JMY: variants seen among roughly 807,000 people sequenced by gnomAD.
JMY encodes junction-mediating and -regulatory protein.
In JMY, 46 loss-of-function variants were observed where a neutral mutation model predicts 103.3. That is an observed-to-expected ratio of 0.45 (90% CI 0.35 to 0.57). JMY has a LOEUF of 0.57. JMY is among the 20% of genes least tolerant of loss of function. The probability of loss-of-function intolerance (pLI) is 0.00; values close to 1 mark genes in which losing one functional copy is unlikely to be tolerated. For missense variants in JMY, 1,238 were observed against 1,255.2 expected (o/e 0.99, Z 0.21); for synonymous variants, 526 against 489.3 (o/e 1.07, Z -0.99).
Position 79,236,873 on chromosome 5 carries a change from T to C in JMY, c.223T>C (p.Ser75Pro). 7.1e-7 allele frequency: 1 copy of C among 1,413,970 alleles called. No homozygotes were observed. The highest frequency in any genetic ancestry group is 9.2e-7 in the Non-Finnish European group (1 of 1,082,914). 87.6% of individuals were successfully genotyped at this position (1,413,970 alleles called of 1,614,324 possible). A position where few individuals can be genotyped will look rare whatever the true frequency, so the allele number is the denominator to read the frequency against. Residue 75 changes from serine to proline, a missense_variant, in exon 1 of 11, where the codon TCC becomes CCC. Ser to Pro is a moderately conservative substitution (Grantham distance 74, BLOSUM62 -1). Coordinates refer to ENST00000396137, the MANE Select transcript of JMY (RefSeq NM_152405.5). Reference sequence around the variant, plus strand: ...GGGCGCCGAGGCCGGCGGAGCTGCGTCCGACGGGAGCCGCGGGCCCGGCAG... The same window carrying C: ...GGGCGCCGAGGCCGGCGGAGCTGCGCCCGACGGGAGCCGCGGGCCCGGCAG... ...RGGAEAGGAA[S>P]DGSRGPGSPA...
At chr5:79,284,785 C>T (rs1746220645) in intron 2 of JMY, 1 of 1,574,984 alleles carries the variant, frequency 6.3e-7, no homozygotes, top group East Asian at 2.2e-5. Flanking sequence ...GAGCATCTTT[C>T]CAATATTTCT....
intron 2 of JMY, among the ~76,000 whole-genome samples, chr5:79,289,897 A>G (rs2112097461): frequency 6.6e-6 from 1 of 152,300 alleles, no homozygotes; most frequent in East Asian, 1.9e-4. Context: ...TTCTTTGCCT[A>G]CGTATGGAGT....
intron 7 of JMY, among the ~76,000 whole-genome samples, chr5:79,308,777 C>A (rs1314294315): frequency 6.6e-6 from 1 of 152,084 alleles, no homozygotes; most frequent in Admixed American, 6.6e-5. Context: ...CCTTCTCCTA[C>A]ACCTAACATC....
At chr5:79,250,051 A>G (rs1438490976) in intron 1 of JMY, among the ~76,000 whole-genome samples, 3 of 152,212 alleles carry the variant, frequency 2.0e-5, no homozygotes, top group Non-Finnish European at 4.4e-5. Context: ...CTAATATAGA[A>G]ACCGTCATAA....
rs751122838 is a variant in JMY, at chr5:79,291,139, A to T, written c.1367A>T (p.Asp456Val). ...AAAAAATTATTAATAGCTGTGTATGATCGAATGCGAGCTGATCAGAAGAAA... is the reference window on the plus strand; with the variant it reads ...AAAAAATTATTAATAGCTGTGTATGTTCGAATGCGAGCTGATCAGAAGAAA... ...ITAKAQKAVY[D>V]RMRADQKKFG... Residue 456 changes from aspartate to valine, a missense_variant, in exon 4 of 11, where the codon GAT becomes GTT. Coordinates refer to ENST00000396137, the MANE Select transcript of JMY (RefSeq NM_152405.5). 1 of 1,596,112 alleles carries T rather than the reference A, an allele frequency of 6.3e-7. No homozygotes were observed. Among genetic ancestry groups the T allele is most frequent in the South Asian group, 1.2e-5 (1 of 86,784 alleles).
At position 79,237,234 on chromosome 5, in the gene JMY, T is replaced by A; in HGVS notation, c.584T>A (p.Val195Glu). The A allele has an allele frequency of 6.5e-7, 1 of 1,549,908 alleles. No homozygotes were observed. Among genetic ancestry groups the A allele is most frequent in the Middle Eastern group, 1.7e-4 (1 of 5,992 alleles). ...GGGACGGTCTCCGAGGAGATAGAGG[T>A]GCTGGAAATGGTGAAGGAGGACGAG... is the stretch of plus-strand genomic sequence containing the variant. Reference protein sequence around the residue: ...ASGTVSEEIEVLEMVKEDEAP... With the variant: ...ASGTVSEEIEELEMVKEDEAP... The change falls in exon 1 of 11, where the codon GTG becomes GAG. Residue 195 changes from valine (V) to glutamate (E), a missense_variant. Coordinates refer to ENST00000396137, the MANE Select transcript of JMY (RefSeq NM_152405.5).
Position 79,306,374 on chromosome 5 carries a change from G to A in JMY, c.1882-1G>A. ...TTAAAACACATTTTATGTATTTACA[G>A]GAAATATGTATTGCAAAACACAATG... On this transcript the variant is annotated splice_acceptor_variant, in intron 6 of 10. Coordinates refer to ENST00000396137, the MANE Select transcript of JMY (RefSeq NM_152405.5). LOFTEE classifies it high-confidence loss of function. The A allele has an allele frequency of 6.2e-7, 1 of 1,604,234 alleles. No individual in the cohort carries two copies. The highest frequency in any genetic ancestry group is 8.5e-7 in the Non-Finnish European group (1 of 1,171,436).
chr5:79,320,358 G>C (rs747571896), intron 10 of JMY, among the ~76,000 whole-genome samples: 2 of 136,692 alleles, frequency 1.5e-5, no homozygotes, highest in Non-Finnish European at 3.2e-5. Flanking sequence ...TTTTTTTTTT[G>C]AGATGGAGTC....
At chr5:79,250,314 C>T (rs1360247618) in intron 1 of JMY, among the ~76,000 whole-genome samples, 2 of 152,216 alleles carry the variant, frequency 1.3e-5, no homozygotes, top group Admixed American at 1.3e-4. Context: ...TCCCTTGTTG[C>T]TGCTTCGTGT....
chr5:79,243,641 A>T (rs1057414639), intron 1 of JMY, among the ~76,000 whole-genome samples: 1 of 152,196 alleles, frequency 6.6e-6, no homozygotes, highest in Non-Finnish European at 1.5e-5. Context: ...AAATATTGCA[A>T]ACTGCTCTTT....
At position 79,323,547 on chromosome 5, in the gene JMY, G is replaced by A. The variant is rs1282604889; in HGVS notation, c.*1945G>A. Reference sequence around the variant, plus strand: ...AATTTGCAAACCTTTACAAAATCATGTATCAATTTTATGCTATCCAGTTTT... The same window carrying A: ...AATTTGCAAACCTTTACAAAATCATATATCAATTTTATGCTATCCAGTTTT... On this transcript the variant is annotated 3_prime_UTR_variant, in exon 11 of 11. Transcript: ENST00000396137. The A allele has an allele frequency of 2.6e-5, 4 of 152,170 alleles. No homozygotes were observed. The highest frequency in any genetic ancestry group is 4.4e-5 in the Non-Finnish European group (3 of 68,038). The allele number at this position is 152,170 out of a possible 1,614,324, so 9.4% of individuals were successfully genotyped here.
intron 1 of JMY, among the ~76,000 whole-genome samples, chr5:79,239,258 TTTTA>T (rs2112038549): frequency 6.6e-6 from 1 of 152,266 alleles, no homozygotes; most frequent in South Asian, 2.1e-4. Context: ...AGGGATCTGT[TTTTA>T]TTTCCCTTTT....
chr5:79,272,724 C>T (rs1745821671), intron 1 of JMY, among the ~76,000 whole-genome samples: 2 of 152,282 alleles, frequency 1.3e-5, no homozygotes, highest in African/African-American at 2.4e-5. Flanking sequence ...GCCTCAAACT[C>T]GTGAGTTCAA....
intron 1 of JMY, among the ~76,000 whole-genome samples, chr5:79,266,206 G>A (rs1190660284): frequency 6.6e-6 from 1 of 152,166 alleles, no homozygotes; most frequent in Admixed American, 6.5e-5. Flanking sequence ...ATTTGTTTGG[G>A]AGTTTGATTA....
At chr5:79,260,215 C>A (rs1290032696) in intron 1 of JMY, among the ~76,000 whole-genome samples, 2 of 152,232 alleles carry the variant, frequency 1.3e-5, no homozygotes, top group African/African-American at 2.4e-5. Context: ...CGGTAGGAAG[C>A]AAGGTTGAGG....
intron 1 of JMY, among the ~76,000 whole-genome samples, chr5:79,257,954 G>T (rs951991707): frequency 6.6e-6 from 1 of 151,976 alleles, no homozygotes; most frequent in Non-Finnish European, 1.5e-5. Flanking sequence ...GTAGAGACAG[G>T]GTTTCACCAT....
intron 2 of JMY, among the ~76,000 whole-genome samples, chr5:79,289,104 G>A (rs575266374): frequency 3.0e-4 from 45 of 151,742 alleles, no homozygotes; most frequent in Admixed American, 2.0e-3. Flanking sequence ...GTGTGGTGGC[G>A]GGCATCTGTA....
Position 79,314,636 on chromosome 5 carries a change from C to CAACA in JMY, c.2445_2446insACAA (p.Pro816ThrfsTer16). 6.7e-7 allele frequency: 1 copy of CAACA among 1,502,620 alleles called. No homozygotes were observed. Among genetic ancestry groups the CAACA allele is most frequent in the Non-Finnish European group, 9.2e-7 (1 of 1,090,298 alleles). The allele number at this position is 1,502,620 out of a possible 1,614,324, so 93.1% of individuals were successfully genotyped here. On this transcript the variant is annotated frameshift_variant, in exon 9 of 11. Coordinates refer to ENST00000396137, the MANE Select transcript of JMY (RefSeq NM_152405.5). LOFTEE classifies it high-confidence loss of function. ...CTTCCTCCAACACCACCACCTCCCC[C>CAACA]ACCTCCTCCCCCTCCCCCACCACCA...
intron 1 of JMY, among the ~76,000 whole-genome samples, chr5:79,247,184 A>G (rs1744930418): frequency 6.6e-6 from 1 of 152,258 alleles, no homozygotes; most frequent in Non-Finnish European, 1.5e-5. Context: ...AACAGTGGAC[A>G]AAAGCAATAG....
Sources: allele counts gnomAD v4.1 joint callset (sites outside exome capture counted in the v4.1 genomes callset), GRCh38; gene constraint gnomAD v4.1.1; transcripts MANE v1.5; gene names NCBI Gene and HGNC (gene_info 2026-07-23, HGNC 2026-07-21).